The following RC3H1 variants were observed in gnomAD, a reference collection of about 807,000 sequenced individuals.
The protein encoded by RC3H1 is ring finger and CCCH-type domains 1.
In RC3H1, 50 loss-of-function variants were observed where a neutral mutation model predicts 138.2. The ratio of observed to expected loss-of-function variants is 0.36; its 90% CI spans 0.29 to 0.46. The LOEUF (loss-of-function observed/expected upper bound fraction) is 0.46. Ranked by LOEUF, RC3H1 falls within the 20% of genes least tolerant of loss-of-function variation. The pLI is 1.00. For missense variants in RC3H1, 1,031 were observed against 1,388.1 expected (o/e 0.74, Z 4.09); for synonymous variants, 462 against 489.1 (o/e 0.94, Z 0.73).
Position 173,993,007 on chromosome 1 carries a change from C to T in RC3H1, c.-22G>A, listed in dbSNP as rs370658922. Reference sequence around the variant, plus strand: ...GCATTGCTTCTGGAGTTACAATTCACGAACACAAACACACACACAAATCTA... The same window carrying T: ...GCATTGCTTCTGGAGTTACAATTCATGAACACAAACACACACACAAATCTA... On this transcript the variant is annotated 5_prime_UTR_variant, in exon 2 of 20. In the 5' UTR this introduces an upstream ATG that the reference lacks. Coordinates refer to ENST00000367696, the MANE Select transcript of RC3H1 (RefSeq NM_172071.4). The T allele has an allele frequency of 3.5e-5, 53 of 1,496,272 alleles. No homozygotes were observed. The highest frequency in any genetic ancestry group is 4.4e-5 in the Non-Finnish European group (47 of 1,074,000). The allele number at this position is 1,496,272 out of a possible 1,614,324, so 92.7% of individuals were successfully genotyped here. A position where few individuals can be genotyped will look rare whatever the true frequency, so the allele number is the denominator to read the frequency against.
At chr1:173,990,866 T>G (rs983503760) in intron 2 of RC3H1, among the ~76,000 whole-genome samples, 5 of 152,156 alleles carry the variant, frequency 3.3e-5, no homozygotes, top group Non-Finnish European at 7.4e-5. Context: ...CCTCCCAAAG[T>G]GCTGGGATTA....
chr1:173,938,813 T>A lies in RC3H1; in HGVS notation c.3310A>T (p.Thr1104Ser), dbSNP rs923064442. The change falls in exon 20 of 20, where the codon ACC becomes TCC. Residue 1104 changes from threonine to serine, a missense_variant. This residue lies in a region of RC3H1 where 716 missense variants were observed against 837.9 expected (regional missense o/e 0.85). Transcript: ENST00000367696. ...QENISLLSNKTSSLNLSEDPE... is the reference protein window; with the variant it reads ...QENISLLSNKSSSLNLSEDPE... ...TCCTCTGACAGGTTCAGAGAGCTGG[T>A]CTTGTTTGATAGGAGGCTGATATTC... 3 of 1,613,718 alleles carry A rather than the reference T, an allele frequency of 1.9e-6. No homozygotes were observed. Among genetic ancestry groups the A allele is most frequent in the Non-Finnish European group, 2.5e-6 (3 of 1,179,676 alleles).
intron 6 of RC3H1, among the ~76,000 whole-genome samples, chr1:173,980,194 A>G (rs10798301): frequency 0.19 from 29,050 of 150,830 alleles, 3,597 homozygotes; most frequent in East Asian, 0.38. Context: ...AAGCATTTAA[A>G]AAACATATTT....
At chr1:174,002,801 A>G (rs1188517970) in intron 1 of RC3H1, among the ~76,000 whole-genome samples, 1 of 152,136 alleles carries the variant, frequency 6.6e-6, no homozygotes, top group Non-Finnish European at 1.5e-5. Context: ...GCCCATATCT[A>G]TTGAGGGCTT....
Position 173,936,007 on chromosome 1 carries a change from A to C in RC3H1, c.*2714T>G, listed in dbSNP as rs562949824. 4.6e-5 allele frequency: 7 copies of C among 152,340 alleles called. No individual in the cohort carries two copies. The highest frequency in any genetic ancestry group is 1.7e-4 in the African/African-American group (7 of 41,574). 9.4% of individuals were successfully genotyped at this position (152,340 alleles called of 1,614,324 possible). On this transcript the variant is annotated 3_prime_UTR_variant, in exon 20 of 20. Coordinates refer to ENST00000367696, the MANE Select transcript of RC3H1 (RefSeq NM_172071.4). Reference sequence around the variant, plus strand: ...AAGAGAAAGATACTATTTTAAGTCAAGTTTATACAGTGACTTTTCTGGTTT... The same window carrying C: ...AAGAGAAAGATACTATTTTAAGTCACGTTTATACAGTGACTTTTCTGGTTT...
chr1:173,985,246 A>G (rs1660977963), intron 2 of RC3H1, among the ~76,000 whole-genome samples: 1 of 152,296 alleles, frequency 6.6e-6, no homozygotes, highest in East Asian at 1.9e-4. Context: ...TTTGACTACT[A>G]CGAATAATGC....
At chr1:174,014,067 CAG>C (rs1661815634) in intron 1 of RC3H1, among the ~76,000 whole-genome samples, 1 of 152,080 alleles carries the variant, frequency 6.6e-6, no homozygotes, top group African/African-American at 2.4e-5. Flanking sequence ...AGGGATGAGG[CAG>C]AGATGAGTAA....
intron 1 of RC3H1, among the ~76,000 whole-genome samples, chr1:173,997,734 A>G (rs1201174026): frequency 1.3e-5 from 2 of 152,304 alleles, no homozygotes; most frequent in South Asian, 2.1e-4. Context: ...TGAGAGACCA[A>G]GGGGAAAATA....
chr1:173,938,660 C>G lies in RC3H1; in HGVS notation c.*61G>C. 1 of 1,313,246 alleles carries G rather than the reference C, an allele frequency of 7.6e-7. No homozygotes were observed. The highest frequency in any genetic ancestry group is 1.6e-5 in the South Asian group (1 of 63,998). 81.3% of individuals were successfully genotyped at this position (1,313,246 alleles called of 1,614,324 possible). On this transcript the variant is annotated 3_prime_UTR_variant, in exon 20 of 20. Transcript: ENST00000367696. ...AAAAAGTTTAGAAGTTATGCGTTCT[C>G]CTACCCCTATGCCCGACAAACTGAT...
intron 6 of RC3H1, 149 bp downstream of exon 6, chr1:173,980,660 G>A (rs1660775823): frequency 2.4e-6 from 1 of 416,162 alleles, no homozygotes; most frequent in Non-Finnish European, 4.2e-6. Flanking sequence ...TGAACAAAGT[G>A]GTATTATAAC....
chr1:174,021,902 G>A (rs1288528107), intron 1 of RC3H1, among the ~76,000 whole-genome samples, 194 bp downstream of exon 1: 1 of 152,210 alleles, frequency 6.6e-6, no homozygotes, highest in East Asian at 1.9e-4. Flanking sequence ...CCTAAAGGAC[G>A]CCGGCCACTG....
Position 173,962,024 on chromosome 1 carries a change from C to G in RC3H1, c.1903G>C (p.Ala635Pro). The change falls in exon 12 of 20, where the codon GCT becomes CCT. Residue 635 changes from alanine (A) to proline (P), a missense_variant. Ala to Pro is a conservative substitution (Grantham distance 27, BLOSUM62 -1). This residue lies in a region of RC3H1 where 716 missense variants were observed against 837.9 expected (regional missense o/e 0.85). Transcript: ENST00000367696. The part of the protein sequence containing the change: ...VRPPPSAPEP[A>P]PPYLDHYPPY... ...GGATAATGATCCAAGTAGGGAGGAG[C>G]AGGTTCAGGAGCAGATGGTGGAGGT... 6.2e-7 allele frequency: 1 copy of G among 1,613,948 alleles called. No individual in the cohort carries two copies. Among genetic ancestry groups the G allele is most frequent in the Non-Finnish European group, 8.5e-7 (1 of 1,179,972 alleles).
chr1:173,981,029 C>T lies in RC3H1; in HGVS notation c.769-20G>A. 2 of 1,602,462 alleles carry T rather than the reference C, an allele frequency of 1.2e-6. No homozygotes were observed. The highest frequency in any genetic ancestry group is 1.7e-6 in the Non-Finnish European group (2 of 1,173,208). On this transcript the variant is annotated intron_variant, in intron 5 of 19. Coordinates refer to ENST00000367696, the MANE Select transcript of RC3H1 (RefSeq NM_172071.4). ...GGTGACCTAATAAGACACAAATAATCTCATAATGAAGTCAAAAAAATGAGT... is the reference window on the plus strand; with the variant it reads ...GGTGACCTAATAAGACACAAATAATTTCATAATGAAGTCAAAAAAATGAGT...
intron 14 of RC3H1, among the ~76,000 whole-genome samples, chr1:173,948,306 T>G (rs1659224199): frequency 6.6e-6 from 1 of 152,164 alleles, no homozygotes. Context: ...TAATCTGAGT[T>G]TTGTTCCTTT....
In RC3H1 at chr1:173,972,613, T is replaced by C. The variant is rs750296078; in HGVS notation, c.1117A>G (p.Thr373Ala). ...AGCCCATTTTCCAGCTGTTCCCAAG[T>C]AGGAGGAGGAGCATCTATACAACCA... ...IDPSPDAPPP[T>A]WEQLENGLVA... is the part of the protein sequence containing the mutation. The change falls in exon 8 of 20, where the codon ACT becomes GCT. Residue 373 changes from threonine (T) to alanine (A), a missense_variant. Transcript: ENST00000367696. 4.3e-5 allele frequency: 69 copies of C among 1,610,902 alleles called. No homozygotes were observed. In the East Asian group the frequency reaches 4.9e-4, roughly 11 times the overall value.
At chr1:173,945,326 A>AT (rs1557919503) in intron 17 of RC3H1, among the ~76,000 whole-genome samples, 1 of 152,114 alleles carries the variant, frequency 6.6e-6, no homozygotes, top group African/African-American at 2.4e-5. Flanking sequence ...GGATTTTGCC[A>AT]TGTTGCCCAG....
Position 173,984,556 on chromosome 1 carries a change from C to G in RC3H1, c.295G>C (p.Ala99Pro). ...GVEDTKHYEE[A>P]KKCVEELALY... ...GCTAATTCTTCTACACATTTCTTGG[C>G]TTCCTCATAATGCTTTGTGTCTTCA... The change falls in exon 3 of 20, where the codon GCC becomes CCC. Residue 99 changes from alanine to proline, a missense_variant. Transcript: ENST00000367696. The G allele has an allele frequency of 1.2e-6, 2 of 1,614,036 alleles. No homozygotes were observed. Among genetic ancestry groups the G allele is most frequent in the Non-Finnish European group, 1.7e-6 (2 of 1,179,938 alleles).
intron 1 of RC3H1, among the ~76,000 whole-genome samples, chr1:174,004,049 GATATATTATTATATATCATATATAATTAT>G (rs1172516723): frequency 6.8e-6 from 1 of 146,398 alleles, no homozygotes; most frequent in African/African-American, 2.5e-5. Flanking sequence ...TTATATATAT[GATATATTATTATATATCATATATAATTAT>G]ATATTATTAA....
At chr1:173,968,297 TAAC>T (rs1236258071) in intron 9 of RC3H1, among the ~76,000 whole-genome samples, 1 of 152,226 alleles carries the variant, frequency 6.6e-6, no homozygotes, top group Non-Finnish European at 1.5e-5. Context: ...GATAGGATCT[TAAC>T]ATCATCATGG....
Sources: allele counts gnomAD v4.1 joint callset (sites outside exome capture counted in the v4.1 genomes callset), GRCh38; gene constraint gnomAD v4.1.1; regional missense constraint gnomAD v4.1.1; transcripts MANE v1.5; gene names NCBI Gene and HGNC (gene_info 2026-07-23, HGNC 2026-07-21).